Variants in SETBP1 observed in about 807,000 individuals in gnomAD.
SETBP1 encodes SET-binding protein.
Under a neutral mutation model 101.0 loss-of-function variants are expected in SETBP1, and 9 were observed. The observed-to-expected ratio is 0.09, with a 90% CI of 0.05 to 0.16. The LOEUF is 0.16. Among genes scored for constraint, SETBP1 ranks in the 10% least tolerant of loss-of-function variants. The pLI, the probability that SETBP1 is intolerant of heterozygous loss-of-function variation, is 1.00. For missense variants in SETBP1, 1,858 were observed against 2,033.8 expected, an observed-to-expected ratio of 0.91 and a Z score of 1.66; for synonymous variants, 818 against 788.5, an observed-to-expected ratio of 1.04 and a Z score of -0.63.
intron 1 of SETBP1, among the ~76,000 whole-genome samples, chr18:44,683,900 C>A (rs964853900): frequency 7.2e-5 from 11 of 152,186 alleles, no homozygotes; most frequent in Non-Finnish European, 4.4e-5. Flanking sequence ...AAGAATGGGG[C>A]AAATTATTAT....
intron 3 of SETBP1, among the ~76,000 whole-genome samples, chr18:44,944,497 T>C (rs1044323588): frequency 6.6e-6 from 1 of 152,138 alleles, no homozygotes; most frequent in Non-Finnish European, 1.5e-5. Context: ...CCCTGAGAGA[T>C]TGTGAGTTTG....
intron 4 of SETBP1, among the ~76,000 whole-genome samples, chr18:45,002,034 G>A (rs1022617785): frequency 2.0e-5 from 3 of 152,086 alleles, no homozygotes; most frequent in Non-Finnish European, 4.4e-5. Flanking sequence ...GATCCGAAAA[G>A]TCTGGAAAGC....
chr18:45,033,467 A>G (rs1203910402), intron 4 of SETBP1, among the ~76,000 whole-genome samples: 3 of 152,156 alleles, frequency 2.0e-5, no homozygotes, highest in Non-Finnish European at 4.4e-5. Flanking sequence ...AGCTCTTTGC[A>G]AGCTTAAAAA....
chr18:44,930,742 C>A (rs1318037849), intron 3 of SETBP1, among the ~76,000 whole-genome samples: 3 of 152,076 alleles, frequency 2.0e-5, no homozygotes, highest in Admixed American at 2.0e-4. Flanking sequence ...TTATAGTATT[C>A]TCTGATGGTA....
chr18:44,848,653 A>G (rs1726731225), intron 2 of SETBP1, among the ~76,000 whole-genome samples: 1 of 152,240 alleles, frequency 6.6e-6, no homozygotes, highest in African/African-American at 2.4e-5. Flanking sequence ...TGGAGAGGTA[A>G]CTTAAACAAT....
intron 3 of SETBP1, among the ~76,000 whole-genome samples, chr18:44,925,007 G>GTTTTTTTTTT (rs60718477): frequency 2.2e-5 from 1 of 45,970 alleles, no homozygotes; most frequent in Non-Finnish European, 4.0e-5. Flanking sequence ...TCCTGTGTGA[G>GTTTTTTTTTT]TTTTTTTTTT....
chr18:45,045,088 C>T (rs1236265398), intron 5 of SETBP1, among the ~76,000 whole-genome samples: 2 of 151,426 alleles, frequency 1.3e-5, no homozygotes, highest in Non-Finnish European at 2.9e-5. Context: ...CCGAGACCAG[C>T]CTGGCCAACG....
intron 3 of SETBP1, among the ~76,000 whole-genome samples, chr18:44,896,740 G>A (rs530854980): frequency 6.6e-6 from 1 of 152,226 alleles, no homozygotes; most frequent in South Asian, 2.1e-4. Context: ...TTACAGGTGT[G>A]AGCCACCACA....
At chr18:44,689,460 A>G (rs948025143) in intron 1 of SETBP1, among the ~76,000 whole-genome samples, 6 of 151,938 alleles carry the variant, frequency 3.9e-5, no homozygotes, top group African/African-American at 1.5e-4. Flanking sequence ...CAACCTTCCA[A>G]CTCTCTGAAT....
intron 3 of SETBP1, chr18:44,876,472 C>T (rs2069405556): frequency 1.1e-6 from 1 of 874,722 alleles, no homozygotes; most frequent in Admixed American, 2.1e-5. Context: ...AGTCCTAACC[C>T]CTGTAGTGTG....
chr18:45,037,177 G>C (rs1162432573), intron 4 of SETBP1, among the ~76,000 whole-genome samples: 1 of 152,156 alleles, frequency 6.6e-6, no homozygotes, highest in Non-Finnish European at 1.5e-5. Context: ...GCTGCTGTTA[G>C]TGTTATGTAG....
chr18:44,792,902 G>A (rs182192358), intron 2 of SETBP1, among the ~76,000 whole-genome samples: 6 of 152,238 alleles, frequency 3.9e-5, no homozygotes, highest in Admixed American at 2.6e-4. Flanking sequence ...AGTCAGCCGA[G>A]AGTTATTCAG....
In SETBP1 at chr18:45,067,092, C is replaced by T. The variant is rs1379640747; in HGVS notation, c.*3394C>T. On this transcript the variant is annotated 3_prime_UTR_variant, in exon 6 of 6. Coordinates refer to ENST00000649279, the MANE Select transcript of SETBP1 (RefSeq NM_015559.3). ...TGGCAGGACCAGGAAACAGCAGCCACTGACAGCCCAGAGAAGGTGACTAAG... is the reference window on the plus strand; with the variant it reads ...TGGCAGGACCAGGAAACAGCAGCCATTGACAGCCCAGAGAAGGTGACTAAG... The T allele has an allele frequency of 3.3e-5, 5 of 152,322 alleles. No individual in the cohort carries two copies. The highest frequency in any genetic ancestry group is 1.2e-4 in the African/African-American group (5 of 41,562). The allele number at this position is 152,322 out of a possible 1,614,324, so 9.4% of individuals were successfully genotyped here.
At chr18:45,035,985 A>C (rs2073388296) in intron 4 of SETBP1, among the ~76,000 whole-genome samples, 1 of 152,230 alleles carries the variant, frequency 6.6e-6, no homozygotes, top group Non-Finnish European at 1.5e-5. Flanking sequence ...GTTTTCTGAA[A>C]GGAATGAAAA....
At position 45,020,789 on chromosome 18, in the gene SETBP1, C is replaced by T. The variant is rs533423086; in HGVS notation, c.4001-17696C>T. Among the ~76,000 whole-genome samples the T allele has an allele frequency of 5.9e-4, 90 of 152,170 alleles. 2 individuals carry two copies. The highest frequency in any genetic ancestry group is 2.1e-4 in the South Asian group (1 of 4,832). ...CTGAAGTCACCTCTGTATGGAGATG[C>T]TCCTGTCCAGCATGGTCTGTAAATG... is the stretch of plus-strand genomic sequence containing the variant. On this transcript the variant is annotated intron_variant, in intron 4 of 5. Coordinates refer to ENST00000649279, the MANE Select transcript of SETBP1 (RefSeq NM_015559.3).
At chr18:44,743,555 A>G (rs564709299) in intron 2 of SETBP1, among the ~76,000 whole-genome samples, 2 of 152,268 alleles carry the variant, frequency 1.3e-5, no homozygotes, top group Non-Finnish European at 2.9e-5. Flanking sequence ...AGGGTCTGCC[A>G]GGGGCAGTGG....
At chr18:44,868,729 A>C (rs868749076) in intron 2 of SETBP1, among the ~76,000 whole-genome samples, 874 of 57,652 alleles carry the variant, frequency 0.015, 38 homozygotes, top group East Asian at 0.04. Flanking sequence ...GAAGGAAGGA[A>C]GGAAGGAAGG....
chr18:44,685,271 G>C (rs974473280), intron 1 of SETBP1, among the ~76,000 whole-genome samples: 1 of 152,156 alleles, frequency 6.6e-6, no homozygotes, highest in Non-Finnish European at 1.5e-5. Flanking sequence ...ATGTTTCCTT[G>C]GTCCAACTTA....
intron 2 of SETBP1, among the ~76,000 whole-genome samples, chr18:44,798,893 G>A (rs2071539917): frequency 6.6e-6 from 1 of 152,210 alleles, no homozygotes; most frequent in South Asian, 2.1e-4. Flanking sequence ...CCCAAGGTCA[G>A]CCCCATACTT....
Sources: allele counts gnomAD v4.1 joint callset (sites outside exome capture counted in the v4.1 genomes callset), GRCh38; gene constraint gnomAD v4.1.1; transcripts MANE v1.5; gene names NCBI Gene and HGNC (gene_info 2026-07-23, HGNC 2026-07-21).